AGBL4: variants seen among roughly 807,000 people sequenced by gnomAD.
AGBL4 encodes the protein cytosolic carboxypeptidase 6.
Under a neutral mutation model 66.4 loss-of-function variants are expected in AGBL4, and 58 were observed. The observed-to-expected ratio is 0.87, with a 90% CI of 0.71 to 1.09. AGBL4 has a LOEUF of 1.09. AGBL4 is among the 50% of genes least tolerant of loss of function. The pLI, the probability that AGBL4 is intolerant of heterozygous loss-of-function variation, is 0.00. For synonymous variants in AGBL4, 234 were observed against 222.9 expected (o/e 1.05, Z -0.44); for missense variants, 579 against 631.0 (o/e 0.92, Z 0.88).
intron 2 of AGBL4, among the ~76,000 whole-genome samples, chr1:49,832,479 C>T (rs1175069035): frequency 1.3e-5 from 2 of 151,060 alleles, no homozygotes; most frequent in African/African-American, 4.8e-5. Context: ...GTCTTTATAG[C>T]AGCATGATTT....
intron 6 of AGBL4, among the ~76,000 whole-genome samples, chr1:48,733,979 A>G (rs571087055): frequency 2.0e-5 from 3 of 152,286 alleles, no homozygotes; most frequent in Non-Finnish European, 2.9e-5. Context: ...CAGTTATCTG[A>G]AGGCACCCAG....
intron 3 of AGBL4, among the ~76,000 whole-genome samples, chr1:49,315,872 A>G (rs1434562623): frequency 6.6e-6 from 1 of 152,078 alleles, no homozygotes; most frequent in East Asian, 1.9e-4. Flanking sequence ...ATGTCCTTCA[A>G]TAGAGTAATA....
intron 1 of AGBL4, among the ~76,000 whole-genome samples, chr1:49,983,936 A>G (rs1037867415): frequency 2.6e-5 from 4 of 152,158 alleles, no homozygotes; most frequent in African/African-American, 7.2e-5. Flanking sequence ...GACAGGTCCA[A>G]TGTGGCTTGT....
chr1:49,441,913 T>C (rs957750101), intron 3 of AGBL4, among the ~76,000 whole-genome samples: 24 of 152,152 alleles, frequency 1.6e-4, no homozygotes, highest in African/African-American at 5.8e-4. Flanking sequence ...AGGTTACGCA[T>C]GGGCTCAGCA....
chr1:50,018,190 A>C (rs2148448058), intron 1 of AGBL4, among the ~76,000 whole-genome samples: 1 of 152,308 alleles, frequency 6.6e-6, no homozygotes, highest in South Asian at 2.1e-4. Flanking sequence ...GTTTTCCTTC[A>C]GATGACATGA....
chr1:49,312,553 G>GA (rs1159340305), intron 3 of AGBL4, among the ~76,000 whole-genome samples: 2 of 151,822 alleles, frequency 1.3e-5, no homozygotes, highest in East Asian at 1.9e-4. Flanking sequence ...CACAGACTGG[G>GA]AAAAAATATT....
chr1:48,544,334 A>G (rs1281897192), intron 11 of AGBL4, among the ~76,000 whole-genome samples: 1 of 152,254 alleles, frequency 6.6e-6, no homozygotes, highest in Non-Finnish European at 1.5e-5. Context: ...CAGGGCAGAG[A>G]GGAAAGCAGA....
intron 3 of AGBL4, among the ~76,000 whole-genome samples, chr1:49,384,271 T>G (rs1030639801): frequency 6.6e-6 from 1 of 151,910 alleles, no homozygotes; most frequent in Non-Finnish European, 1.5e-5. Flanking sequence ...GATTCAAAAA[T>G]TCGGAAGAGA....
At chr1:49,652,032 T>C (rs1287841630) in intron 3 of AGBL4, among the ~76,000 whole-genome samples, 2 of 152,138 alleles carry the variant, frequency 1.3e-5, no homozygotes, top group African/African-American at 4.8e-5. Context: ...AAAAATTCAC[T>C]GAATTAATTC....
At chr1:49,413,828 G>A (rs567056202) in intron 3 of AGBL4, among the ~76,000 whole-genome samples, 1 of 152,214 alleles carries the variant, frequency 6.6e-6, no homozygotes, top group South Asian at 2.1e-4. Flanking sequence ...CTTACTTCAA[G>A]TCTTGGCTCT....
intron 6 of AGBL4, chr1:48,759,158 C>A (rs540778259): frequency 2.5e-6 from 4 of 1,614,172 alleles, no homozygotes; most frequent in Non-Finnish European, 3.4e-6. Flanking sequence ...CCTGGCGAGG[C>A]CTCCACGAAG....
chr1:48,844,366 T>G (rs1054287988), intron 6 of AGBL4, among the ~76,000 whole-genome samples: 1 of 152,214 alleles, frequency 6.6e-6, no homozygotes, highest in Non-Finnish European at 1.5e-5. Context: ...CTCACTCCTC[T>G]GCAATCTGGT....
intron 5 of AGBL4, among the ~76,000 whole-genome samples, chr1:48,880,804 C>T (rs1649708386): frequency 6.6e-6 from 1 of 152,040 alleles, no homozygotes; most frequent in East Asian, 1.9e-4. Flanking sequence ...GTAATAATTA[C>T]ATATTAAAAA....
chr1:49,917,403 T>C (rs774709076), intron 1 of AGBL4, among the ~76,000 whole-genome samples: 2 of 150,048 alleles, frequency 1.3e-5, no homozygotes, highest in Non-Finnish European at 3.0e-5. Flanking sequence ...ACCAAGCAAA[T>C]GGAAAACAAA....
At chr1:49,239,082 A>G (rs1651014533) in intron 4 of AGBL4, among the ~76,000 whole-genome samples, 1 of 152,136 alleles carries the variant, frequency 6.6e-6, no homozygotes, top group South Asian at 2.1e-4. Flanking sequence ...TTTTCTTTTT[A>G]ATGCAGAAAT....
At chr1:49,839,001 C>T (rs1309527550) in intron 2 of AGBL4, among the ~76,000 whole-genome samples, 1 of 152,176 alleles carries the variant, frequency 6.6e-6, no homozygotes, top group Non-Finnish European at 1.5e-5. Context: ...GGCATGCAAA[C>T]AGGTTTCAAT....
At chr1:48,532,665 A>C (rs747995719), downstream of AGBL4, among the ~76,000 whole-genome samples, 1 of 152,210 alleles carries the variant, frequency 6.6e-6, no homozygotes, top group Non-Finnish European at 1.5e-5. Context: ...GTTGCAGTCA[A>C]TTAAACTCCC....
At chr1:49,593,168 G>C (rs776157263) in intron 3 of AGBL4, among the ~76,000 whole-genome samples, 1 of 152,148 alleles carries the variant, frequency 6.6e-6, no homozygotes, top group Non-Finnish European at 1.5e-5. Context: ...CAGCAGTTTG[G>C]GAGGCCAAGG....
At chr1:48,683,158 G>A (rs1187222249) in intron 6 of AGBL4, among the ~76,000 whole-genome samples, 1 of 152,208 alleles carries the variant, frequency 6.6e-6, no homozygotes, top group East Asian at 1.9e-4. Flanking sequence ...CAGCTGTGAT[G>A]GAAGATGCTA....
Sources: gnomAD v4.1 joint callset for allele counts (sites outside exome capture counted in the v4.1 genomes callset) on GRCh38, gnomAD v4.1.1 for gene constraint, MANE v1.5 for transcripts, NCBI Gene and HGNC (gene_info 2026-07-23, HGNC 2026-07-21) for gene names.